The following NDUFC1 variants were observed in gnomAD, a reference collection of about 807,000 sequenced individuals.
NDUFC1 encodes the protein NADH:ubiquinone oxidoreductase subunit C1.
A neutral mutation model predicts 11.6 loss-of-function variants in NDUFC1; 11 were observed. The observed-to-expected ratio is 0.95, with a 90% CI of 0.60 to 1.58. NDUFC1 has a LOEUF of 1.58. Ranked by LOEUF, NDUFC1 falls within the 40% of genes most tolerant of loss-of-function variation. NDUFC1 has a pLI of 0.00. For synonymous variants in NDUFC1, 52 were observed against 42.2 expected, an observed-to-expected ratio of 1.23 and a Z score of -0.90; for missense variants, 112 against 93.0, an observed-to-expected ratio of 1.20 and a Z score of -0.84.
Position 139,295,089 on chromosome 4 carries a change from A to T in NDUFC1, c.125T>A (p.Leu42Gln), listed in dbSNP as rs756526970. Residue 42 changes from leucine to glutamine, a missense_variant, in exon 4 of 6, where the codon CTG becomes CAG. Leu to Gln is a moderately radical substitution (Grantham distance 113). Coordinates refer to ENST00000394223, the MANE Select transcript of NDUFC1 (RefSeq NM_001184989.2). ...GGTGCCCAAGGTGAACCCAACTTTCAGCCAGTCAGGTTTGGCATTCGGCGG... is the reference window on the plus strand; with the variant it reads ...GGTGCCCAAGGTGAACCCAACTTTCTGCCAGTCAGGTTTGGCATTCGGCGG... ...REPPNAKPDW[L>Q]KVGFTLGTTV... 6.2e-7 allele frequency: 1 copy of T among 1,614,220 alleles called. No individual in the cohort carries two copies. Among genetic ancestry groups the T allele is most frequent in the Non-Finnish European group, 8.5e-7 (1 of 1,180,022 alleles).
rs76958019 is a variant in NDUFC1, at chr4:139,292,202, A to G, written c.*20+328T>C. Among the ~76,000 whole-genome samples, 389 of 152,280 alleles carry G rather than the reference A, an allele frequency of 2.6e-3. 2 individuals carry two copies. The highest frequency in any genetic ancestry group is 8.2e-3 in the African/African-American group (341 of 41,560). On this transcript the variant is annotated intron_variant, in intron 5 of 5. Transcript: ENST00000394223. ...AGTCAAAGACTAATGATTAAAAATG[A>G]TTACGCTAAAAGATTCTTGAGGCTA...
chr4:139,299,603 T>C (rs1480649490), intron 1 of NDUFC1, among the ~76,000 whole-genome samples: 2 of 152,196 alleles, frequency 1.3e-5, no homozygotes, highest in African/African-American at 4.8e-5. Context: ...ATTGTGGTGA[T>C]CAGAGTAAAT....
chr4:139,296,819 C>A (rs1392592032), intron 2 of NDUFC1, among the ~76,000 whole-genome samples: 1 of 152,170 alleles, frequency 6.6e-6, no homozygotes, highest in African/African-American at 2.4e-5. Flanking sequence ...CATTTTGACC[C>A]TTTAAAACTA....
At chr4:139,291,881 G>C (rs1419473469) in intron 5 of NDUFC1, among the ~76,000 whole-genome samples, 1 of 151,302 alleles carries the variant, frequency 6.6e-6, no homozygotes, top group African/African-American at 2.4e-5. Context: ...CTGTCACCCA[G>C]GCTGGAGTGC....
intron 1 of NDUFC1, chr4:139,302,025 G>C: frequency 2.0e-6 from 1 of 507,758 alleles, no homozygotes. Flanking sequence ...GGGACCACAG[G>C]CTTCTTCATT....
At chr4:139,301,277 C>T in intron 1 of NDUFC1, 1 of 363,756 alleles carries the variant, frequency 2.7e-6, no homozygotes, top group South Asian at 1.2e-4. Flanking sequence ...AGGAGGCGGT[C>T]TGAACCGTAC....
At chr4:139,301,787 G>T (rs1745763302) in intron 1 of NDUFC1, 2 of 1,581,734 alleles carry the variant, frequency 1.3e-6, no homozygotes, top group Non-Finnish European at 1.7e-6. Flanking sequence ...GATGCCGGCC[G>T]TGAGCCTCCC....
At chr4:139,290,780 A>G (rs1745179633) in intron 5 of NDUFC1, among the ~76,000 whole-genome samples, 1 of 151,900 alleles carries the variant, frequency 6.6e-6, no homozygotes, top group Admixed American at 6.6e-5. Context: ...ACATATCTAT[A>G]GATGAATATA....
In NDUFC1 at chr4:139,301,931, C is replaced by G; in HGVS notation, c.-222+485G>C. On this transcript the variant is annotated intron_variant, in intron 1 of 5. Coordinates refer to ENST00000394223, the MANE Select transcript of NDUFC1 (RefSeq NM_001184989.2). ...CGGCGGGCACTGAGCCACTCCCGCC[C>G]GGGACCCCGCCTTCATAGCTCTCGT... 8 of 1,289,772 alleles carry G rather than the reference C, an allele frequency of 6.2e-6. No individual in the cohort carries two copies. In the South Asian group the frequency reaches 1.1e-4, roughly 18 times the overall value. The allele number at this position is 1,289,772 out of a possible 1,614,324, so 79.9% of individuals were successfully genotyped here.
At chr4:139,298,060 C>T (rs905902294) in intron 1 of NDUFC1, among the ~76,000 whole-genome samples, 1 of 150,786 alleles carries the variant, frequency 6.6e-6, no homozygotes, top group Non-Finnish European at 1.5e-5. Flanking sequence ...CACAGTGAGA[C>T]CCTGTCACAA....
rs969638491 is a variant in NDUFC1 at position 139,295,875 on chromosome 4, A to C, written c.-77T>G. 6.9e-7 allele frequency: 1 copy of C among 1,454,538 alleles called. No homozygotes were observed. Among genetic ancestry groups the C allele is most frequent in the Non-Finnish European group, 9.3e-7 (1 of 1,074,480 alleles). The allele number at this position is 1,454,538 out of a possible 1,614,324, so 90.1% of individuals were successfully genotyped here. ...CTGGCGGCCGGAAGTGCGGGACTCG[A>C]GGGCTCTGCAGCAGAGCTCCGTGGG... On this transcript the variant is annotated 5_prime_UTR_variant, in exon 3 of 6. Coordinates refer to ENST00000394223, the MANE Select transcript of NDUFC1 (RefSeq NM_001184989.2).
chr4:139,294,922 C>G lies in NDUFC1; in HGVS notation c.171+121G>C, dbSNP rs1745391996. ...ACGTATCAGCGATTATATAAATATC[C>G]TACTGTTATGAGAGTTTCACTGCCA... On this transcript the variant is annotated intron_variant, in intron 4 of 5. Transcript: ENST00000394223. The G allele has an allele frequency of 9.1e-6, 6 of 660,394 alleles. No homozygotes were observed. The South Asian group carries it at 1.1e-4, about 12-fold the overall frequency. The allele number at this position is 660,394 out of a possible 1,614,324, so 40.9% of individuals were successfully genotyped here.
chr4:139,295,636 A>T, intron 3 of NDUFC1, 96 bp downstream of exon 3: 1 of 1,378,432 alleles, frequency 7.3e-7, no homozygotes, highest in Non-Finnish European at 9.7e-7. Flanking sequence ...TGCAGGACGA[A>T]CCCGGGCCGC....
At position 139,301,859 on chromosome 4, in the gene NDUFC1, G is replaced by A; in HGVS notation, c.-222+557C>T. 3 of 1,576,184 alleles carry A rather than the reference G, an allele frequency of 1.9e-6. No homozygotes were observed. In the South Asian group the frequency reaches 3.5e-5, roughly 18 times the overall value. ...AAGTGTGAGGCTCCGGGCAAGCGGT[G>A]GGGAGGATTTAGCCGGTAACCGGGC... On this transcript the variant is annotated intron_variant, in intron 1 of 5. Coordinates refer to ENST00000394223, the MANE Select transcript of NDUFC1 (RefSeq NM_001184989.2).
Position 139,290,317 on chromosome 4 carries a change from CTTTTTTT to C in NDUFC1, c.*21-232_*21-226del, listed in dbSNP as rs1248275815. Reference sequence around the variant, plus strand: ...TTCAATGCCTATTTCATTTTTACCTCTTTTTTTTTTTTTTTTTTTTGGTAGAGACAAA... The same window carrying C: ...TTCAATGCCTATTTCATTTTTACCTCTTTTTTTTTTTTTGGTAGAGACAAA... On this transcript the variant is annotated intron_variant, in intron 5 of 5. Coordinates refer to ENST00000394223, the MANE Select transcript of NDUFC1 (RefSeq NM_001184989.2). Among the ~76,000 whole-genome samples, 9 of 124,386 alleles carry C rather than the reference CTTTTTTT, an allele frequency of 7.2e-5. No individual in the cohort carries two copies. The East Asian group carries it at 1.4e-3, about 19-fold the overall frequency. The allele number at this position is 124,386 out of a possible 152,430, so 81.6% of individuals were successfully genotyped here.
intron 4 of NDUFC1, among the ~76,000 whole-genome samples, chr4:139,293,313 AC>A (rs957403479): frequency 2.0e-5 from 3 of 151,918 alleles, no homozygotes; most frequent in Non-Finnish European, 4.4e-5. Context: ...TGAATGACCA[AC>A]CCCATCACGA....
chr4:139,297,985 G>A (rs900274141), intron 1 of NDUFC1, among the ~76,000 whole-genome samples: 6 of 151,916 alleles, frequency 3.9e-5, no homozygotes, highest in African/African-American at 1.5e-4. Context: ...TTGGAAGATC[G>A]CTTGGACCTG....
chr4:139,292,668 G>T, intron 4 of NDUFC1, 59 bp from the exon 5 acceptor site: 1 of 1,108,140 alleles, frequency 9.0e-7, no homozygotes, highest in Non-Finnish European at 1.3e-6. Flanking sequence ...CTTATATTTT[G>T]TAAAGGAATA....
intron 2 of NDUFC1, chr4:139,296,480 A>C (rs889282755): frequency 2.6e-5 from 4 of 152,260 alleles, no homozygotes; most frequent in Admixed American, 2.0e-4. Flanking sequence ...TAGCCCACCT[A>C]ACAGACTTGG....
Sources: gnomAD v4.1 joint callset for allele counts (sites outside exome capture counted in the v4.1 genomes callset) on GRCh38, gnomAD v4.1.1 for gene constraint, MANE v1.5 for transcripts, NCBI Gene and HGNC (gene_info 2026-07-23, HGNC 2026-07-21) for gene names.